The following NCKAP5 variants were observed in gnomAD, a reference collection of about 807,000 sequenced individuals.
NCKAP5 encodes the protein nck-associated protein 5.
A neutral mutation model predicts 167.0 loss-of-function variants in NCKAP5; 92 were observed. That is an observed-to-expected ratio of 0.55 (90% CI 0.47 to 0.66). NCKAP5 has a LOEUF of 0.66. Ranked by LOEUF, NCKAP5 falls within the 30% of genes least tolerant of loss-of-function variation. The pLI is 0.00. For synonymous variants in NCKAP5, 891 were observed against 877.4 expected, an observed-to-expected ratio of 1.02 and a Z score of -0.27; for missense variants, 2,378 against 2,315.0, an observed-to-expected ratio of 1.03 and a Z score of -0.56.
rs548284966 is a variant in NCKAP5 at position 133,051,475 on chromosome 2, C to T, written c.342-57236G>A. On this transcript the variant is annotated intron_variant, in intron 6 of 19. Transcript: ENST00000409261. ...TGAAAGGAACGTGGGCTGGAACAGT[C>T]CCAAGATTCACTTGGTCAAAATTAA... Among the ~76,000 whole-genome samples, 85 of 152,196 alleles carry T rather than the reference C, an allele frequency of 5.6e-4. 1 individual carries two copies. The highest frequency in any genetic ancestry group is 3.4e-3 in the Middle Eastern group (1 of 294).
intron 19 of NCKAP5, among the ~76,000 whole-genome samples, chr2:132,695,780 C>T (rs540486107): frequency 2.0e-5 from 3 of 152,260 alleles, no homozygotes; most frequent in South Asian, 2.1e-4. Flanking sequence ...ATTTGCATTT[C>T]CCCCATCTGT....
intron 6 of NCKAP5, among the ~76,000 whole-genome samples, chr2:133,003,518 G>A (rs2077858203): frequency 1.3e-5 from 2 of 152,136 alleles, no homozygotes; most frequent in South Asian, 4.1e-4. Context: ...ACGTAAGCAG[G>A]AACAATCCCC....
At chr2:133,373,114 C>A (rs1271198241) in intron 3 of NCKAP5, among the ~76,000 whole-genome samples, 1 of 152,170 alleles carries the variant, frequency 6.6e-6, no homozygotes, top group Non-Finnish European at 1.5e-5. Context: ...GGCTGGGGTG[C>A]AATGGCATGA....
At chr2:133,115,577 G>A (rs914210368) in intron 6 of NCKAP5, among the ~76,000 whole-genome samples, 1 of 151,530 alleles carries the variant, frequency 6.6e-6, no homozygotes, top group Non-Finnish European at 1.5e-5. Flanking sequence ...TCAAAACAAG[G>A]TTTATTAAGA....
intron 6 of NCKAP5, among the ~76,000 whole-genome samples, chr2:133,029,319 C>T (rs1245788341): frequency 6.6e-6 from 1 of 152,122 alleles, no homozygotes; most frequent in African/African-American, 2.4e-5. Context: ...TCTTTTGCCA[C>T]AATTTTCTGA....
At chr2:132,878,384 T>G (rs1691456539) in intron 9 of NCKAP5, among the ~76,000 whole-genome samples, 1 of 152,174 alleles carries the variant, frequency 6.6e-6, no homozygotes, top group Non-Finnish European at 1.5e-5. Context: ...GGTTGCCAAC[T>G]GTGAACATCA....
chr2:133,613,048 A>G, the NCKAP5 span, among the ~76,000 whole-genome samples: 6 of 152,202 alleles, frequency 3.9e-5, no homozygotes, highest in Admixed American at 1.3e-4. Context: ...AAAGAGCTGA[A>G]GTAAAGCTGA....
At chr2:133,168,849 TAAAG>T (rs1299575184) in intron 5 of NCKAP5, among the ~76,000 whole-genome samples, 5 of 152,214 alleles carry the variant, frequency 3.3e-5, no homozygotes, top group African/African-American at 1.2e-4. Context: ...ACTTCTCAAA[TAAAG>T]AGTGTATTCC....
chr2:132,733,995 G>A (rs1016709529), intron 16 of NCKAP5, among the ~76,000 whole-genome samples: 1 of 152,064 alleles, frequency 6.6e-6, no homozygotes, highest in African/African-American at 2.4e-5. Context: ...ATATGCCATG[G>A]GATGTTTGGT....
At chr2:133,635,158 G>T in the NCKAP5 span, among the ~76,000 whole-genome samples, 14 of 152,154 alleles carry the variant, frequency 9.2e-5, no homozygotes, top group African/African-American at 3.1e-4. Flanking sequence ...ACAGGTGTGA[G>T]CCACCATGCC....
At chr2:132,798,188 T>G (rs772502839) in intron 11 of NCKAP5, among the ~76,000 whole-genome samples, 2 of 152,192 alleles carry the variant, frequency 1.3e-5, no homozygotes, top group Non-Finnish European at 2.9e-5. Flanking sequence ...TAATCCTAAT[T>G]CTATAATCCT....
At chr2:133,616,320 A>C in the NCKAP5 span, among the ~76,000 whole-genome samples, 1 of 151,756 alleles carries the variant, frequency 6.6e-6, no homozygotes, top group East Asian at 1.9e-4. Flanking sequence ...ACTGAAGGAA[A>C]TAGAGACACA....
At chr2:133,580,241 C>G in the NCKAP5 span, among the ~76,000 whole-genome samples, 1 of 152,184 alleles carries the variant, frequency 6.6e-6, no homozygotes, top group Admixed American at 6.5e-5. Flanking sequence ...TACCTCCTGA[C>G]TCTCTGCAGG....
intron 6 of NCKAP5, among the ~76,000 whole-genome samples, chr2:133,009,139 A>G (rs756732487): frequency 2.0e-5 from 3 of 152,196 alleles, no homozygotes; most frequent in Non-Finnish European, 4.4e-5. Flanking sequence ...GTAAATCCAA[A>G]TATCTGAGAG....
intron 3 of NCKAP5, among the ~76,000 whole-genome samples, chr2:133,386,112 C>T (rs555891866): frequency 2.0e-3 from 298 of 152,164 alleles, no homozygotes; most frequent in African/African-American, 6.2e-3. Context: ...TTTGCTCTTG[C>T]TTCTCTAGTT....
At chr2:133,377,226 A>T (rs1458551244) in intron 3 of NCKAP5, among the ~76,000 whole-genome samples, 2 of 152,244 alleles carry the variant, frequency 1.3e-5, no homozygotes, top group African/African-American at 2.4e-5. Context: ...AAGAAGTTAC[A>T]TAATCAAAAC....
chr2:132,798,841 A>T (rs1684806209), intron 11 of NCKAP5, among the ~76,000 whole-genome samples: 1 of 152,192 alleles, frequency 6.6e-6, no homozygotes, highest in East Asian at 1.9e-4. Flanking sequence ...CCTCATCTGC[A>T]AAAAGAAAGA....
intron 4 of NCKAP5, among the ~76,000 whole-genome samples, chr2:133,237,646 G>A (rs1017437777): frequency 1.4e-4 from 22 of 152,194 alleles, no homozygotes; most frequent in African/African-American, 3.1e-4. Context: ...GCACTGCACC[G>A]TGATAAAGAC....
At chr2:133,642,778 G>A in the NCKAP5 span, among the ~76,000 whole-genome samples, 2 of 152,154 alleles carry the variant, frequency 1.3e-5, no homozygotes, top group Non-Finnish European at 2.9e-5. Flanking sequence ...CTAGATTCCT[G>A]GCTTCCAATA....
Sources: gnomAD v4.1 joint callset for allele counts (sites outside exome capture counted in the v4.1 genomes callset) on GRCh38, gnomAD v4.1.1 for gene constraint, MANE v1.5 for transcripts, NCBI Gene and HGNC (gene_info 2026-07-23, HGNC 2026-07-21) for gene names.